Variants in CSMD1 observed in about 807,000 individuals in gnomAD.
CSMD1 encodes the protein CUB and sushi domain-containing protein 1.
Under a neutral mutation model 417.5 loss-of-function variants are expected in CSMD1, and 213 were observed. That is an observed-to-expected ratio of 0.51 (90% CI 0.46 to 0.57). The LOEUF (loss-of-function observed/expected upper bound fraction) is 0.57, where lower values mean the gene tolerates loss of function less well. Among genes scored for constraint, CSMD1 ranks in the 20% least tolerant of loss-of-function variants. The pLI is 0.00. For missense variants in CSMD1, 6,923 were observed against 4,529.7 expected (o/e 1.53, Z -15.17); for synonymous variants, 2,862 against 1,736.8 (o/e 1.65, Z -16.11).
At chr8:4,276,948 G>C (rs139773215) in intron 3 of CSMD1, among the ~76,000 whole-genome samples, 8 of 151,946 alleles carry the variant, frequency 5.3e-5, no homozygotes, top group African/African-American at 1.4e-4. Context: ...GTATGTTTTC[G>C]TATACCAACA....
chr8:4,756,137 G>A (rs1282553286), intron 1 of CSMD1, among the ~76,000 whole-genome samples: 5 of 152,032 alleles, frequency 3.3e-5, no homozygotes, highest in Non-Finnish European at 5.9e-5. Flanking sequence ...AGCATATTCT[G>A]TATCAATTAA....
chr8:4,499,391 GT>G (rs1337408450), intron 2 of CSMD1, among the ~76,000 whole-genome samples: 1 of 152,114 alleles, frequency 6.6e-6, no homozygotes, highest in Admixed American at 6.5e-5. Flanking sequence ...GCAGAGAGGG[GT>G]CAGGTTCTTA....
At chr8:4,774,826 C>T in intron 1 of CSMD1, among the ~76,000 whole-genome samples, 1 of 143,890 alleles carries the variant, frequency 6.9e-6, no homozygotes, top group Non-Finnish European at 1.5e-5. Context: ...CTCTCTTCCT[C>T]CTACTGGAGG....
At chr8:4,000,059 T>C (rs954716044) in intron 4 of CSMD1, among the ~76,000 whole-genome samples, 1 of 152,244 alleles carries the variant, frequency 6.6e-6, no homozygotes. Flanking sequence ...ATTTGAAAAC[T>C]GCAAAAGTAC....
At chr8:3,038,257 T>C (rs1484255046) in intron 50 of CSMD1, among the ~76,000 whole-genome samples, 1 of 152,226 alleles carries the variant, frequency 6.6e-6, no homozygotes, top group South Asian at 2.1e-4. Flanking sequence ...TTTGAAGTTT[T>C]GCAACTTTAT....
intron 7 of CSMD1, among the ~76,000 whole-genome samples, chr8:3,640,236 T>C (rs1260148380): frequency 6.6e-6 from 1 of 152,182 alleles, no homozygotes; most frequent in African/African-American, 2.4e-5. Context: ...ATTGATTAAA[T>C]AAATAAATAA....
At chr8:4,193,552 G>C (rs544011730) in intron 3 of CSMD1, among the ~76,000 whole-genome samples, 77 of 152,194 alleles carry the variant, frequency 5.1e-4, no homozygotes, top group Non-Finnish European at 8.8e-4. Flanking sequence ...TGAGTCACAA[G>C]AGGCTGTGGG....
At chr8:3,956,646 T>C (rs919379606) in intron 5 of CSMD1, among the ~76,000 whole-genome samples, 10 of 152,224 alleles carry the variant, frequency 6.6e-5, no homozygotes, top group African/African-American at 2.4e-4. Context: ...ATTTTCATTT[T>C]TGGATAAGAC....
chr8:3,318,344 AT>A (rs1805918569), intron 23 of CSMD1, among the ~76,000 whole-genome samples: 1 of 152,224 alleles, frequency 6.6e-6, no homozygotes. Flanking sequence ...GGAGTAGCAT[AT>A]CCTCTGGCCT....
At chr8:3,915,592 A>G (rs1326163757) in intron 5 of CSMD1, among the ~76,000 whole-genome samples, 1 of 151,448 alleles carries the variant, frequency 6.6e-6, no homozygotes, top group Non-Finnish European at 1.5e-5. Flanking sequence ...ATTTAATGGG[A>G]TTATTACTGA....
chr8:3,922,899 C>A (rs1011516029), intron 5 of CSMD1, among the ~76,000 whole-genome samples: 2 of 152,174 alleles, frequency 1.3e-5, no homozygotes, highest in Non-Finnish European at 2.9e-5. Context: ...TTCAACTCAA[C>A]TGAACATGAA....
chr8:3,862,027 C>A (rs182543388), intron 5 of CSMD1, among the ~76,000 whole-genome samples: 5 of 152,160 alleles, frequency 3.3e-5, no homozygotes, highest in Admixed American at 2.0e-4. Flanking sequence ...TCATTCCATG[C>A]CCCAACCATT....
chr8:4,156,409 A>C (rs548809723), intron 3 of CSMD1, among the ~76,000 whole-genome samples: 1 of 152,316 alleles, frequency 6.6e-6, no homozygotes, highest in African/African-American at 2.4e-5. Context: ...TTTCTCAATG[A>C]GTCTCTGTAC....
intron 3 of CSMD1, among the ~76,000 whole-genome samples, chr8:4,199,439 C>G (rs894104483): frequency 6.6e-6 from 1 of 152,100 alleles, no homozygotes; most frequent in East Asian, 1.9e-4. Flanking sequence ...TCATGTAAGT[C>G]TATTGCATCT....
At chr8:3,410,881 G>C (rs558928399) in intron 12 of CSMD1, among the ~76,000 whole-genome samples, 2 of 152,236 alleles carry the variant, frequency 1.3e-5, no homozygotes, top group South Asian at 2.1e-4. Flanking sequence ...AATGTGATTT[G>C]ATGATGGGTA....
intron 12 of CSMD1, among the ~76,000 whole-genome samples, chr8:3,440,207 T>C (rs1814881459): frequency 8.6e-6 from 1 of 116,448 alleles, no homozygotes; most frequent in Non-Finnish European, 1.9e-5. Context: ...CTGAGATTCT[T>C]ATAACAGGTG....
chr8:4,893,920 C>T (rs774171441), intron 1 of CSMD1, among the ~76,000 whole-genome samples: 3 of 151,998 alleles, frequency 2.0e-5, no homozygotes, highest in Non-Finnish European at 2.9e-5. Flanking sequence ...ATGTCTTTTT[C>T]GCAAAATGTT....
rs1353758738 is a variant in CSMD1 at position 4,642,206 on chromosome 8, G to A, written c.86-4648C>T. On this transcript the variant is annotated intron_variant, in intron 1 of 69. Transcript: ENST00000635120. ...GGCCCCGGTGAGCCATGGAGTTGAT[G>A]GTTGGTTATACAGCAGTGCCCCTCT... Among the ~76,000 whole-genome samples, 4 of 152,166 alleles carry A rather than the reference G, an allele frequency of 2.6e-5. No homozygotes were observed. In the East Asian group the frequency reaches 7.7e-4, roughly 29 times the overall value.
intron 1 of CSMD1, among the ~76,000 whole-genome samples, chr8:4,669,974 AG>A (rs1805187997): frequency 6.6e-6 from 1 of 152,160 alleles, no homozygotes; most frequent in African/African-American, 2.4e-5. Context: ...GGAGCTGCTG[AG>A]CTGAAGATCT....
Sources: allele counts gnomAD v4.1 joint callset (sites outside exome capture counted in the v4.1 genomes callset), GRCh38; gene constraint gnomAD v4.1.1; transcripts MANE v1.5; gene names NCBI Gene and HGNC (gene_info 2026-07-23, HGNC 2026-07-21).